The following IGSF21 variants were observed in gnomAD, a reference collection of about 807,000 sequenced individuals.
IGSF21 encodes immunoglobin superfamily member 21.
Under a neutral mutation model 46.8 loss-of-function variants are expected in IGSF21, and 28 were observed. The observed-to-expected ratio is 0.60, with a 90% CI of 0.44 to 0.82. The LOEUF is 0.82. IGSF21 is among the 40% of genes least tolerant of loss of function. The probability of loss-of-function intolerance (pLI) is 0.00; values close to 1 mark genes in which losing one functional copy is unlikely to be tolerated. For synonymous variants in IGSF21, 284 were observed against 273.6 expected, an observed-to-expected ratio of 1.04 and a Z score of -0.38; for missense variants, 624 against 665.5, an observed-to-expected ratio of 0.94 and a Z score of 0.69.
intron 1 of IGSF21, among the ~76,000 whole-genome samples, chr1:18,172,123 T>C (rs2086742955): frequency 6.6e-6 from 1 of 152,244 alleles, no homozygotes; most frequent in South Asian, 2.1e-4. Flanking sequence ...GATGAGGGCC[T>C]GGGCTGATTA....
chr1:18,315,960 A>G (rs371279379), intron 3 of IGSF21, among the ~76,000 whole-genome samples: 10 of 152,174 alleles, frequency 6.6e-5, no homozygotes, highest in Non-Finnish European at 1.3e-4. Context: ...AGCCTCCAGC[A>G]TATGCTTGAC....
intron 4 of IGSF21, among the ~76,000 whole-genome samples, chr1:18,340,554 G>A (rs780738444): frequency 1.9e-4 from 29 of 152,306 alleles, no homozygotes; most frequent in African/African-American, 7.0e-4. Flanking sequence ...ATTCTCTAAG[G>A]GAAATAGCTT....
In IGSF21 at chr1:18,365,828, G is replaced by A. The variant is rs1023306990; in HGVS notation, c.1015+131G>A. 2.3e-5 allele frequency: 17 copies of A among 734,316 alleles called. 1 individual carries two copies. In the South Asian group the frequency reaches 2.8e-4, roughly 12 times the overall value. 45.5% of individuals were successfully genotyped at this position (734,316 alleles called of 1,614,324 possible). On this transcript the variant is annotated intron_variant, in intron 6 of 9. Transcript: ENST00000251296. The surrounding 1 kb of genome is among the most constrained non-coding windows in gnomAD (Gnocchi z 4.8). ...AGATGGAGCAAACTGGAGTCAGGAT[G>A]AGCACAAATGGTAGAGTCAGGTTCT... is the stretch of plus-strand genomic sequence containing the variant.
At position 18,365,994 on chromosome 1, in the gene IGSF21, G is replaced by A. The variant is rs1421803921; in HGVS notation, c.1015+297G>A. ...GGACACAGGAGATCAGGGGAGGTCA[G>A]AGGAGTTCCTGGATTAGATCAGGAA... On this transcript the variant is annotated intron_variant, in intron 6 of 9. Transcript: ENST00000251296. This position sits in a 1 kb window ranked among gnomAD's most constrained non-coding sequence, Gnocchi z 4.8. Among the ~76,000 whole-genome samples, 1 of 151,874 alleles carries A rather than the reference G, an allele frequency of 6.6e-6. No homozygotes were observed. Among genetic ancestry groups the A allele is most frequent in the East Asian group, 1.9e-4 (1 of 5,140 alleles).
intron 1 of IGSF21, among the ~76,000 whole-genome samples, chr1:18,166,650 C>T (rs2086681499): frequency 6.6e-6 from 1 of 152,158 alleles, no homozygotes; most frequent in Non-Finnish European, 1.5e-5. Flanking sequence ...ATTTATCAAG[C>T]ATCCATGGCA....
chr1:18,310,464 G>A (rs932617664), intron 3 of IGSF21, among the ~76,000 whole-genome samples: 2 of 152,222 alleles, frequency 1.3e-5, no homozygotes, highest in African/African-American at 2.4e-5. Context: ...ACTCCACTGC[G>A]TGGACCTTAT....
intron 2 of IGSF21, among the ~76,000 whole-genome samples, chr1:18,270,194 G>C (rs1244436267): frequency 6.6e-6 from 1 of 152,198 alleles, no homozygotes; most frequent in Non-Finnish European, 1.5e-5. Flanking sequence ...AAAATGAAGA[G>C]ACCCCAACCC....
chr1:18,241,047 G>A (rs913644289), intron 2 of IGSF21, among the ~76,000 whole-genome samples: 3 of 152,196 alleles, frequency 2.0e-5, no homozygotes, highest in South Asian at 2.1e-4. Context: ...AAGCAGACAT[G>A]TGTGGCTGTA....
chr1:18,273,443 TCAC>T (rs2085066068), intron 2 of IGSF21, among the ~76,000 whole-genome samples: 1 of 110,030 alleles, frequency 9.1e-6, no homozygotes, highest in African/African-American at 3.7e-5. Context: ...TCTTTCTTTC[TCAC>T]TTTCTTTCTT....
At chr1:18,306,606 C>G (rs916769010) in intron 3 of IGSF21, among the ~76,000 whole-genome samples, 2 of 152,198 alleles carry the variant, frequency 1.3e-5, no homozygotes, top group South Asian at 4.1e-4. Flanking sequence ...GGCAGCCCCT[C>G]CCTAGTCAGG....
chr1:18,190,036 C>A (rs763969915), intron 1 of IGSF21, among the ~76,000 whole-genome samples: 1 of 152,200 alleles, frequency 6.6e-6, no homozygotes, highest in African/African-American at 2.4e-5. Context: ...GTGGGCCACC[C>A]TCAGCCCTCT....
intron 6 of IGSF21, among the ~76,000 whole-genome samples, chr1:18,368,853 G>T (rs755692299): frequency 4.6e-5 from 7 of 152,226 alleles, no homozygotes; most frequent in Non-Finnish European, 1.0e-4. Context: ...CAGACTTCAA[G>T]GCAGCTGGTG....
At chr1:18,205,574 C>T (rs866989128) in intron 1 of IGSF21, among the ~76,000 whole-genome samples, 12 of 152,118 alleles carry the variant, frequency 7.9e-5, no homozygotes, top group Non-Finnish European at 7.3e-5. Context: ...AGGGTAATCG[C>T]AGAATCAGCT....
intron 1 of IGSF21, among the ~76,000 whole-genome samples, chr1:18,162,425 A>G (rs1297489118): frequency 6.6e-6 from 1 of 152,130 alleles, no homozygotes; most frequent in East Asian, 1.9e-4. Flanking sequence ...TGAATTTTGA[A>G]TTTTGATGCA....
At chr1:18,327,644 A>G (rs2085670665) in intron 3 of IGSF21, among the ~76,000 whole-genome samples, 1 of 152,228 alleles carries the variant, frequency 6.6e-6, no homozygotes, top group Non-Finnish European at 1.5e-5. Context: ...CAAGCAAAAC[A>G]TAGTACACAC....
intron 2 of IGSF21, among the ~76,000 whole-genome samples, chr1:18,285,189 CTTT>C (rs11346536): frequency 7.1e-6 from 1 of 140,528 alleles, no homozygotes; most frequent in African/African-American, 2.6e-5. Context: ...TTCCCCTTTT[CTTT>C]TTTTTTTTTT....
chr1:18,278,786 G>A (rs887245445), intron 2 of IGSF21: 52 of 457,682 alleles, frequency 1.1e-4, no homozygotes, highest in Admixed American at 5.3e-4. Flanking sequence ...AAACTCCTTC[G>A]CTCAAGCAAT....
At chr1:18,214,835 C>T (rs112477671) in intron 1 of IGSF21, among the ~76,000 whole-genome samples, 6,889 of 152,188 alleles carry the variant, frequency 0.045, 215 homozygotes, top group Middle Eastern at 0.071. Flanking sequence ...CTTTGCCTCC[C>T]GGGTTCAAGC....
intron 4 of IGSF21, among the ~76,000 whole-genome samples, chr1:18,359,196 T>G (rs2086056374): frequency 6.6e-6 from 1 of 150,978 alleles, no homozygotes; most frequent in Non-Finnish European, 1.5e-5. Flanking sequence ...ATTGATCACT[T>G]GAGCCCAGGA....
Sources: gnomAD v4.1 joint callset for allele counts (sites outside exome capture counted in the v4.1 genomes callset) on GRCh38, gnomAD v4.1.1 for gene constraint, Gnocchi (gnomAD v3.1) non-coding constraint, MANE v1.5 for transcripts, NCBI Gene and HGNC (gene_info 2026-07-23, HGNC 2026-07-21) for gene names.